The following RAD51B variants were observed in gnomAD, a reference collection of about 807,000 sequenced individuals.
RAD51B encodes the protein DNA repair protein RAD51 homolog 2.
A neutral mutation model predicts 42.2 loss-of-function variants in RAD51B; 38 were observed. The ratio of observed to expected loss-of-function variants is 0.90; its 90% CI spans 0.70 to 1.18. The LOEUF is 1.18. RAD51B is among the 50% of genes most tolerant of loss of function. The pLI is 0.00. For synonymous variants in RAD51B, 154 were observed against 145.2 expected, an observed-to-expected ratio of 1.06 and a Z score of -0.43; for missense variants, 373 against 400.7, an observed-to-expected ratio of 0.93 and a Z score of 0.59.
intron 7 of RAD51B, among the ~76,000 whole-genome samples, chr14:68,140,756 T>G (rs1351134355): frequency 6.6e-6 from 1 of 152,198 alleles, no homozygotes; most frequent in African/African-American, 2.4e-5. Flanking sequence ...TTCAAAGAAG[T>G]CTCTTGTCTT....
intron 8 of RAD51B, among the ~76,000 whole-genome samples, chr14:68,356,840 G>A (rs577837276): frequency 9.9e-5 from 15 of 152,026 alleles, no homozygotes; most frequent in South Asian, 8.3e-4. Flanking sequence ...AAAATTAGCC[G>A]GGCGCGGTGG....
At chr14:68,477,155 C>T (rs974856846) in intron 10 of RAD51B, among the ~76,000 whole-genome samples, 2 of 152,334 alleles carry the variant, frequency 1.3e-5, no homozygotes, top group Admixed American at 1.3e-4. Context: ...TGGTCAGCCG[C>T]GTCCCTATGC....
chr14:68,187,376 A>G (rs144241814), intron 7 of RAD51B, among the ~76,000 whole-genome samples: 102 of 152,340 alleles, frequency 6.7e-4, no homozygotes, highest in African/African-American at 2.3e-3. Flanking sequence ...TGAAAAAGAA[A>G]AAAAAAAGAA....
intron 7 of RAD51B, among the ~76,000 whole-genome samples, chr14:67,987,829 C>G (rs1352789458): frequency 6.6e-6 from 1 of 152,140 alleles, no homozygotes; most frequent in Non-Finnish European, 1.5e-5. Flanking sequence ...TGTGTATGTT[C>G]CTGTGGATAA....
At chr14:68,441,541 C>CAAAAAAAAA (rs67477807) in intron 9 of RAD51B, among the ~76,000 whole-genome samples, 2 of 68,034 alleles carry the variant, frequency 2.9e-5, no homozygotes, top group Non-Finnish European at 5.1e-5. Flanking sequence ...GACTCCATCT[C>CAAAAAAAAA]AAAAAAAAAA....
intron 7 of RAD51B, among the ~76,000 whole-genome samples, chr14:68,124,596 A>G (rs891936951): frequency 6.6e-6 from 1 of 152,148 alleles, no homozygotes; most frequent in Non-Finnish European, 1.5e-5. Context: ...ACAAGCTATT[A>G]AGGAGAAAAA....
intron 11 of RAD51B, among the ~76,000 whole-genome samples, chr14:68,677,618 G>T (rs1893338673): frequency 6.6e-6 from 1 of 152,128 alleles, no homozygotes; most frequent in Admixed American, 6.5e-5. Context: ...TTATTCTTGG[G>T]CATGGCTTCA....
chr14:68,501,610 G>T lies in RAD51B; in HGVS notation c.1036+33360G>T, dbSNP rs560921246. The stretch of plus-strand genomic sequence containing the variant: ...AGGCTGGAGCCGGAAGTAGGCCCTG[G>T]AGCAGCTGAGGTAGCTGATGTTAAC... On this transcript the variant is annotated intron_variant, in intron 10 of 10. Coordinates refer to the RAD51B transcript ENST00000487270. Among the ~76,000 whole-genome samples the T allele has an allele frequency of 4.6e-5, 7 of 152,342 alleles. No individual in the cohort carries two copies. In the South Asian group the frequency reaches 1.2e-3, roughly 27 times the overall value.
chr14:68,326,989 G>A (rs1385513915), intron 8 of RAD51B, among the ~76,000 whole-genome samples: 1 of 152,090 alleles, frequency 6.6e-6, no homozygotes, highest in Non-Finnish European at 1.5e-5. Context: ...TCTCCTACCG[G>A]TGCACCCCAG....
chr14:68,162,071 T>C (rs1266495890), intron 7 of RAD51B, among the ~76,000 whole-genome samples: 1 of 152,182 alleles, frequency 6.6e-6, no homozygotes, highest in Non-Finnish European at 1.5e-5. Flanking sequence ...AAACCCTGCT[T>C]TTTAGGTTCA....
chr14:68,099,779 C>T (rs571798573), intron 7 of RAD51B, among the ~76,000 whole-genome samples: 15 of 152,264 alleles, frequency 9.9e-5, no homozygotes, highest in Admixed American at 6.5e-4. Flanking sequence ...CTTAATGCTG[C>T]GGTTGTTCTG....
intron 7 of RAD51B, chr14:68,000,187 C>G (rs2075454895): frequency 6.6e-6 from 1 of 152,110 alleles, no homozygotes; most frequent in Admixed American, 6.6e-5. Flanking sequence ...CTTTTCTTAA[C>G]CACTATTCAA....
At chr14:68,356,582 A>G (rs1209860198) in intron 8 of RAD51B, among the ~76,000 whole-genome samples, 3 of 152,022 alleles carry the variant, frequency 2.0e-5, no homozygotes, top group South Asian at 2.1e-4. Flanking sequence ...CGGAGCCTTC[A>G]GTGAGTTATA....
At position 67,867,954 on chromosome 14, in the gene RAD51B, G is replaced by A. The variant is rs80256753; in HGVS notation, c.452+2815G>A. On this transcript the variant is annotated intron_variant, in intron 5 of 10. Coordinates refer to ENST00000471583, the MANE Select transcript of RAD51B (RefSeq NM_133510.4). ...TTCACATATATAGAATTTAGGGTAC[G>A]TGAGAAAAAGTTGAAAATAATTTCT... is the stretch of plus-strand genomic sequence containing the variant. 9.1e-3 allele frequency among the ~76,000 whole-genome samples: 1,382 copies of A among 152,320 alleles called. 22 individuals are homozygous for A. Among genetic ancestry groups the A allele is most frequent in the African/African-American group, 0.031 (1,296 of 41,554 alleles).
At chr14:68,076,113 A>G (rs1051048115) in intron 7 of RAD51B, among the ~76,000 whole-genome samples, 1 of 152,244 alleles carries the variant, frequency 6.6e-6, no homozygotes, top group African/African-American at 2.4e-5. Flanking sequence ...ACCTGGGGTT[A>G]GGAAAGGAAA....
chr14:67,982,745 A>G (rs8006927), intron 7 of RAD51B, among the ~76,000 whole-genome samples: 5 of 145,810 alleles, frequency 3.4e-5, no homozygotes, highest in African/African-American at 1.1e-4. Context: ...GTTTTTTTTT[A>G]AAACCAAATG....
chr14:68,537,350 T>A (rs1887692115), intron 10 of RAD51B, among the ~76,000 whole-genome samples: 1 of 151,732 alleles, frequency 6.6e-6, no homozygotes, highest in Admixed American at 6.6e-5. Flanking sequence ...TACAAAAAAA[T>A]TAGCTGGTCG....
At chr14:68,571,587 C>G (rs1889703472) in intron 10 of RAD51B, among the ~76,000 whole-genome samples, 1 of 152,142 alleles carries the variant, frequency 6.6e-6, no homozygotes. Flanking sequence ...CTTTTAGGAC[C>G]CTTGTGATTA....
chr14:67,855,810 A>G (rs1474408424), intron 4 of RAD51B, among the ~76,000 whole-genome samples: 1 of 152,210 alleles, frequency 6.6e-6, no homozygotes, highest in African/African-American at 2.4e-5. Context: ...GATGTGCCCC[A>G]CAAGTTGTAA....
Sources: allele counts gnomAD v4.1 joint callset (sites outside exome capture counted in the v4.1 genomes callset), GRCh38; gene constraint gnomAD v4.1.1; transcripts MANE v1.5; gene names NCBI Gene and HGNC (gene_info 2026-07-23, HGNC 2026-07-21).